Variants in BPTF observed in about 807,000 individuals in gnomAD.
BPTF encodes bromodomain PHD finger transcription factor.
BPTF carries 18 observed loss-of-function variants against 292.5 expected under a neutral mutation model. The observed-to-expected ratio is 0.06, with a 90% CI of 0.04 to 0.09. The LOEUF (loss-of-function observed/expected upper bound fraction) is 0.09. Among genes scored for constraint, BPTF ranks in the 10% least tolerant of loss-of-function variants. The probability of loss-of-function intolerance (pLI) is 1.00; values close to 1 mark genes in which losing one functional copy is unlikely to be tolerated. For missense variants in BPTF, 2,726 were observed against 3,498.7 expected (o/e 0.78, Z 5.57); for synonymous variants, 1,225 against 1,251.9 (o/e 0.98, Z 0.45).
rs1457825060 is a variant in BPTF at position 67,825,928 on chromosome 17, G to T, written c.204G>T (p.Arg68Ser). 10 of 1,015,586 alleles carry T rather than the reference G, an allele frequency of 9.8e-6. No homozygotes were observed. Among genetic ancestry groups the T allele is most frequent in the Admixed American group, 5.9e-5 (1 of 17,048 alleles). 62.9% of individuals were successfully genotyped at this position (1,015,586 alleles called of 1,614,324 possible). The change falls in exon 1 of 28, where the codon AGG (arginine) becomes AGT (serine). Residue 68 changes from arginine (R) to serine (S), a missense_variant. By Grantham distance (110) the Arg-to-Ser change is moderately radical. Around this residue, in one of 22 missense-constraint regions of BPTF, gnomAD observed 103 missense variants for 72.1 expected, o/e 1.43. Transcript: ENST00000306378. ...VAPKTRLSSP[R>S]GGSSSRRKPP... Reference sequence around the variant, plus strand: ...CCAAGACGCGGCTGAGCTCGCCCAGGGGGGGCAGCAGTAGCCGGAGGAAGC... The same window carrying T: ...CCAAGACGCGGCTGAGCTCGCCCAGTGGGGGCAGCAGTAGCCGGAGGAAGC...
At chr17:67,934,716 A>G (rs2064757134) in intron 18 of BPTF, among the ~76,000 whole-genome samples, 1 of 151,504 alleles carries the variant, frequency 6.6e-6, no homozygotes, top group South Asian at 2.1e-4. Context: ...TACTAAAAAT[A>G]TAAAAATTAG....
In BPTF at chr17:67,983,187, A is replaced by T. The variant is rs1401827083; in HGVS notation, c.*899A>T. 6.6e-6 allele frequency: 1 copy of T among 152,628 alleles called. No homozygotes were observed. The highest frequency in any genetic ancestry group is 1.5e-5 in the Non-Finnish European group (1 of 68,040). The allele number at this position is 152,628 out of a possible 1,614,324, so 9.5% of individuals were successfully genotyped here. ...TGTCTTTGAATGTGCGCTAATGATT[A>T]TCTGTAAGCCTTTGTGGGGAGGGAG... On this transcript the variant is annotated 3_prime_UTR_variant, in exon 28 of 28. Coordinates refer to ENST00000306378, the MANE Select transcript of BPTF (RefSeq NM_182641.4).
intron 26 of BPTF, among the ~76,000 whole-genome samples, chr17:67,973,726 G>A (rs1486847433): frequency 4.0e-5 from 6 of 151,888 alleles, no homozygotes; most frequent in East Asian, 2.0e-4. Context: ...GGGTGGTCTC[G>A]GAACTCATGA....
At chr17:67,833,211 A>G (rs55788577) in intron 1 of BPTF, among the ~76,000 whole-genome samples, 12,082 of 151,682 alleles carry the variant, frequency 0.08, 1,641 homozygotes, top group African/African-American at 0.28. Flanking sequence ...TCAGTACTAT[A>G]TTTGAATAAC....
chr17:67,922,493 C>T (rs951129153), intron 13 of BPTF, among the ~76,000 whole-genome samples: 1 of 152,144 alleles, frequency 6.6e-6, no homozygotes, highest in Non-Finnish European at 1.5e-5. Flanking sequence ...GATGAATTGA[C>T]ATTAGTCAGA....
At chr17:67,960,565 A>AT (rs2067382579) in intron 24 of BPTF, among the ~76,000 whole-genome samples, 1 of 152,140 alleles carries the variant, frequency 6.6e-6, no homozygotes, top group South Asian at 2.1e-4. Context: ...ATGTAGTTTC[A>AT]TTTTTTTGGT....
At chr17:67,850,046 G>A (rs1881335851) in intron 1 of BPTF, among the ~76,000 whole-genome samples, 1 of 152,166 alleles carries the variant, frequency 6.6e-6, no homozygotes, top group Non-Finnish European at 1.5e-5. Context: ...TCTCACTGTA[G>A]TCCTGTATTT....
intron 7 of BPTF, among the ~76,000 whole-genome samples, chr17:67,894,763 C>A (rs2061335809): frequency 6.6e-6 from 1 of 152,096 alleles, no homozygotes; most frequent in South Asian, 2.1e-4. Flanking sequence ...TTTTAGTATT[C>A]TGGAATCTTG....
At chr17:67,944,412 C>T (rs782484619) in intron 20 of BPTF, 40 bp downstream of exon 20, 12 of 1,597,070 alleles carry the variant, frequency 7.5e-6, no homozygotes, top group South Asian at 1.1e-5. Context: ...GATGTTACTA[C>T]TACACGTGGC....
Position 67,909,746 on chromosome 17 carries a change from GAGA to G in BPTF, c.2983_2985del (p.Lys995del), listed in dbSNP as rs1201174014. 4.5e-6 allele frequency: 7 copies of G among 1,573,026 alleles called. No individual in the cohort carries two copies. The Admixed American group carries it at 7.8e-5, about 18-fold the overall frequency. On this transcript the variant is annotated inframe_deletion, in exon 10 of 28. Transcript: ENST00000306378. ...TGAAATGGATATCTCAAAGATTACT[GAGA>G]AGAAGGACCAAGGTAAGGAGAGTCA... is the stretch of plus-strand genomic sequence containing the variant.
chr17:67,891,996 G>A lies in BPTF; in HGVS notation c.2017G>A (p.Ala673Thr), dbSNP rs2061145633. The stretch of plus-strand genomic sequence containing the variant: ...GAAGAGCCAGCAGGTGGCAGCCGCT[G>A]CACATGAAGCAAATAAATTATTTAA... Reference protein sequence around the residue: ...QLKSQQVAAAAHEANKLFKEG... With the variant: ...QLKSQQVAAATHEANKLFKEG... The change falls in exon 5 of 28, where the codon GCA becomes ACA. Residue 673 changes from alanine to threonine, a missense_variant. By Grantham distance (58) the Ala-to-Thr change is moderately conservative. Transcript: ENST00000306378. 6.2e-7 allele frequency: 1 copy of A among 1,606,064 alleles called. No homozygotes were observed. Among genetic ancestry groups the A allele is most frequent in the African/African-American group, 1.3e-5 (1 of 74,520 alleles).
chr17:67,880,643 T>G (rs926359382), intron 4 of BPTF, among the ~76,000 whole-genome samples: 3 of 152,088 alleles, frequency 2.0e-5, no homozygotes, highest in Non-Finnish European at 2.9e-5. Context: ...TTTTGGTTTT[T>G]TGTGTGTGTG....
intron 27 of BPTF, among the ~76,000 whole-genome samples, chr17:67,977,257 G>A (rs187814899): frequency 6.6e-6 from 1 of 152,278 alleles, no homozygotes; most frequent in South Asian, 2.1e-4. Flanking sequence ...GCTCACGCCT[G>A]TAATCCCAGC....
Position 67,863,171 on chromosome 17 carries a change from CT to C in BPTF, c.1437-3290del, listed in dbSNP as rs540224149. 2.0e-5 allele frequency among the ~76,000 whole-genome samples: 3 copies of C among 152,334 alleles called. No individual in the cohort carries two copies. In the South Asian group the frequency reaches 6.2e-4, roughly 32 times the overall value. On this transcript the variant is annotated intron_variant, in intron 2 of 27. Transcript: ENST00000306378. Reference sequence around the variant, plus strand: ...TCAGCAGGGTTGGTTTTTCTGGAGACTTTCAAAGAGAATCTGTTCCATGCCT... The same window carrying C: ...TCAGCAGGGTTGGTTTTTCTGGAGACTTCAAAGAGAATCTGTTCCATGCCT...
Position 67,854,034 on chromosome 17 carries a change from A to G in BPTF, c.708A>G (p.Leu236=). The G allele has an allele frequency of 6.2e-7, 1 of 1,614,202 alleles. No homozygotes were observed. The highest frequency in any genetic ancestry group is 8.5e-7 in the Non-Finnish European group (1 of 1,180,034). ...AATTTCCCAAGTCCTCTGAGGATTTAATGGTGCCTAATGAGCATATAATGA... is the reference window on the plus strand; with the variant it reads ...AATTTCCCAAGTCCTCTGAGGATTTGATGGTGCCTAATGAGCATATAATGA... ...PLEFPKSSED[L]MVPNEHIMNV... The change falls in exon 2 of 28, where the codon TTA becomes TTG. Residue 236 remains leucine (L), a synonymous_variant. Transcript: ENST00000306378. The surrounding 1 kb of genome is among the most constrained non-coding windows in gnomAD (Gnocchi z 5.6).
At position 67,951,735 on chromosome 17, in the gene BPTF, A is replaced by G. The variant is rs1463283530; in HGVS notation, c.7926+3429A>G. On this transcript the variant is annotated intron_variant, in intron 23 of 27. Coordinates refer to ENST00000306378, the MANE Select transcript of BPTF (RefSeq NM_182641.4). ...TATAAACCTGTTTTATACAGAAACA[A>G]TCTAACGAGGAAGAAAAGTTATACT... 3 of 152,296 alleles carry G rather than the reference A, an allele frequency of 2.0e-5. No homozygotes were observed. The South Asian group carries it at 6.2e-4, about 32-fold the overall frequency. The allele number at this position is 152,296 out of a possible 1,614,324, so 9.4% of individuals were successfully genotyped here. A position where few individuals can be genotyped will look rare whatever the true frequency, so the allele number is the denominator to read the frequency against.
intron 4 of BPTF, among the ~76,000 whole-genome samples, chr17:67,885,154 C>G (rs2060668545): frequency 6.6e-6 from 1 of 152,110 alleles, no homozygotes. Flanking sequence ...TTGTCAGTGG[C>G]AAAAACAAAG....
Position 67,911,345 on chromosome 17 carries a change from G to A in BPTF, c.3461G>A (p.Ser1154Asn). 6.2e-7 allele frequency: 1 copy of A among 1,614,116 alleles called. No homozygotes were observed. The highest frequency in any genetic ancestry group is 8.5e-7 in the Non-Finnish European group (1 of 1,180,016). Residue 1154 changes from serine (S) to asparagine (N), a missense_variant, in exon 11 of 28, where the codon AGT becomes AAT. Physicochemically the swap from Ser to Asn is conservative, Grantham distance 46 (BLOSUM62 1). Around this residue, in one of 22 missense-constraint regions of BPTF, gnomAD observed 713 missense variants for 714.9 expected, o/e 1.00. Transcript: ENST00000306378. The stretch of plus-strand genomic sequence containing the variant: ...TCAGTTCTTAGAATGAGTGATCCTA[G>A]TCATACCACAAACAAACTTTATCCA... The part of the protein sequence containing the change: ...DSSVLRMSDP[S>N]HTTNKLYPKD...
Position 67,825,874 on chromosome 17 carries a change from G to C in BPTF, c.150G>C (p.Arg50Ser). 5.9e-6 allele frequency: 6 copies of C among 1,014,418 alleles called. No individual in the cohort carries two copies. The highest frequency in any genetic ancestry group is 7.1e-6 in the Non-Finnish European group (6 of 850,696). The allele number at this position is 1,014,418 out of a possible 1,614,324, so 62.8% of individuals were successfully genotyped here. ...GGCACCGCGGCAGCAGCCGGGGCAG[G>C]TGGGCCGCCGCCCAGGCTGAGGTGG... is the stretch of plus-strand genomic sequence containing the variant. ...RSRHRGSSRG[R>S]WAAAQAEVAP... Residue 50 changes from arginine (R) to serine (S), a missense_variant, in exon 1 of 28, where the codon AGG becomes AGC. Physicochemically the swap from Arg to Ser is moderately radical, Grantham distance 110. Around this residue, in one of 22 missense-constraint regions of BPTF, gnomAD observed 103 missense variants for 72.1 expected, o/e 1.43. Transcript: ENST00000306378.
Sources: allele counts gnomAD v4.1 joint callset (sites outside exome capture counted in the v4.1 genomes callset), GRCh38; gene constraint gnomAD v4.1.1; regional missense constraint gnomAD v4.1.1; non-coding constraint Gnocchi (gnomAD v3.1); transcripts MANE v1.5; gene names NCBI Gene and HGNC (gene_info 2026-07-23, HGNC 2026-07-21).